FAM193A: variants seen among roughly 807,000 people sequenced by gnomAD.
FAM193A encodes the protein family with sequence similarity 193 member A, also known as protein FAM193A.
FAM193A carries 22 observed loss-of-function variants against 126.5 expected under a neutral mutation model. The ratio of observed to expected loss-of-function variants is 0.17; its 90% CI spans 0.12 to 0.25. The LOEUF is 0.25. Ranked by LOEUF, FAM193A falls within the 10% of genes least tolerant of loss-of-function variation. The pLI, the probability that FAM193A is intolerant of heterozygous loss-of-function variation, is 1.00. For missense variants in FAM193A, 1,675 were observed against 1,672.8 expected, an observed-to-expected ratio of 1.00 and a Z score of -0.02; for synonymous variants, 761 against 646.8, an observed-to-expected ratio of 1.18 and a Z score of -2.68.
chr4:2,608,122 C>T, intron 2 of FAM193A: 3 of 1,606,080 alleles, frequency 1.9e-6, no homozygotes, highest in South Asian at 2.2e-5. Flanking sequence ...ACTATATCTC[C>T]TTGTAGATTG....
chr4:2,730,549 G>C (rs1274520973), intron 20 of FAM193A, among the ~76,000 whole-genome samples: 1 of 152,044 alleles, frequency 6.6e-6, no homozygotes, highest in African/African-American at 2.4e-5. Context: ...AATTAGCTGG[G>C]CGTGGTGATA....
At chr4:2,577,422 G>GTTTTTTTTTGTTT (rs1553888657) in intron 1 of FAM193A, among the ~76,000 whole-genome samples, 2 of 115,542 alleles carry the variant, frequency 1.7e-5, no homozygotes, top group Admixed American at 9.1e-5. Context: ...TTTTTTTTTT[G>GTTTTTTTTTGTTT]TTTTTTTTTT....
intron 20 of FAM193A, among the ~76,000 whole-genome samples, chr4:2,719,740 CA>C (rs369345535): frequency 8.1e-4 from 83 of 102,404 alleles, no homozygotes; most frequent in East Asian, 1.3e-3. Context: ...GAGACACTCT[CA>C]AAAAAAAAAA....
chr4:2,699,581 C>A, intron 18 of FAM193A, 99 bp from the exon 19 acceptor site: 2 of 1,169,842 alleles, frequency 1.7e-6, no homozygotes, highest in Non-Finnish European at 2.4e-6. Context: ...AGTTTATGTT[C>A]CATATGTGAT....
chr4:2,546,941 A>G (rs1737598492), intron 1 of FAM193A, among the ~76,000 whole-genome samples: 1 of 152,116 alleles, frequency 6.6e-6, no homozygotes, highest in Non-Finnish European at 1.5e-5. Context: ...TTTTGTTTAC[A>G]CTATTATTAT....
At chr4:2,572,808 C>G (rs1739369554) in intron 1 of FAM193A, among the ~76,000 whole-genome samples, 2 of 142,064 alleles carry the variant, frequency 1.4e-5, no homozygotes, top group African/African-American at 2.6e-5. Context: ...AAAGACCTGG[C>G]TGCAGTGAGA....
chr4:2,642,237 A>G (rs1440027567), intron 6 of FAM193A, among the ~76,000 whole-genome samples: 1 of 151,482 alleles, frequency 6.6e-6, no homozygotes. Context: ...CTGGGAGCGG[A>G]GGTTGCAGTG....
intron 15 of FAM193A, among the ~76,000 whole-genome samples, chr4:2,691,408 G>A (rs1716364275): frequency 6.6e-6 from 1 of 152,176 alleles, no homozygotes; most frequent in African/African-American, 2.4e-5. Flanking sequence ...GTAGAGACGG[G>A]GTTTCACCAT....
chr4:2,642,357 G>A (rs898619594), intron 6 of FAM193A, among the ~76,000 whole-genome samples: 1 of 152,064 alleles, frequency 6.6e-6, no homozygotes, highest in South Asian at 2.1e-4. Context: ...TGGCCAGCTG[G>A]CAGGTGGGCT....
intron 1 of FAM193A, among the ~76,000 whole-genome samples, chr4:2,544,326 G>C (rs1737419556): frequency 6.6e-6 from 1 of 152,132 alleles, no homozygotes; most frequent in South Asian, 2.1e-4. Context: ...TTGGAAGGCC[G>C]AGGTGGGAGA....
chr4:2,539,755 T>G (rs1224547090), intron 1 of FAM193A, among the ~76,000 whole-genome samples: 1 of 151,948 alleles, frequency 6.6e-6, no homozygotes, highest in Non-Finnish European at 1.5e-5. Flanking sequence ...CTCCAAGAAA[T>G]AAAATCCGTT....
chr4:2,690,454 C>A (rs1419129398), intron 14 of FAM193A, among the ~76,000 whole-genome samples: 2 of 152,234 alleles, frequency 1.3e-5, no homozygotes, highest in Non-Finnish European at 2.9e-5. Flanking sequence ...TAGTACCAAC[C>A]TCAGAAAGTA....
chr4:2,626,885 A>C (rs1056351740), intron 4 of FAM193A, among the ~76,000 whole-genome samples: 2 of 152,212 alleles, frequency 1.3e-5, no homozygotes, highest in African/African-American at 4.8e-5. Context: ...GCCAGGGATG[A>C]TGCAGAGTAC....
At chr4:2,535,608 T>G (rs1401826628), upstream of FAM193A, among the ~76,000 whole-genome samples, 1 of 152,212 alleles carries the variant, frequency 6.6e-6, no homozygotes, top group African/African-American at 2.4e-5. Flanking sequence ...GAGCTCTGCC[T>G]GGGGCTCGCA....
intron 20 of FAM193A, 83 bp from the exon 21 acceptor site, chr4:2,731,692 C>A (rs964169562): frequency 2.9e-6 from 3 of 1,040,706 alleles, no homozygotes; most frequent in Admixed American, 1.7e-5. Context: ...CTGGCAAGAA[C>A]AGGAGTGTGA....
At position 2,611,587 on chromosome 4, in the gene FAM193A, C is replaced by A. The variant is rs188220358; in HGVS notation, c.502-13675C>A. Among the ~76,000 whole-genome samples the A allele has an allele frequency of 1.2e-3, 175 of 152,104 alleles. 1 individual carries two copies. The highest frequency in any genetic ancestry group is 4.1e-3 in the African/African-American group (172 of 41,518). On this transcript the variant is annotated intron_variant, in intron 2 of 20. Transcript: ENST00000637812. ...CCACGCCCGGCTTAATCTGCATTTT[C>A]TTAACGACTTGTTGAGCATCTTTTC...
At chr4:2,655,863 A>G (rs1456618446) in intron 7 of FAM193A, among the ~76,000 whole-genome samples, 1 of 152,170 alleles carries the variant, frequency 6.6e-6, no homozygotes, top group African/African-American at 2.4e-5. Flanking sequence ...CAGGAGGTTG[A>G]GGCTACAGTA....
intron 1 of FAM193A, among the ~76,000 whole-genome samples, chr4:2,552,601 G>A (rs974549001): frequency 6.6e-6 from 1 of 151,478 alleles, no homozygotes; most frequent in African/African-American, 2.4e-5. Flanking sequence ...GCAGTGACAC[G>A]ATTTCTGCTC....
At chr4:2,711,779 T>G (rs1196259796) in intron 19 of FAM193A, among the ~76,000 whole-genome samples, 1 of 151,928 alleles carries the variant, frequency 6.6e-6, no homozygotes, top group East Asian at 1.9e-4. Flanking sequence ...ATACAAAAAT[T>G]AGCTGGACGT....
Sources: gnomAD v4.1 joint callset for allele counts (sites outside exome capture counted in the v4.1 genomes callset) on GRCh38, gnomAD v4.1.1 for gene constraint, MANE v1.5 for transcripts, NCBI Gene and HGNC (gene_info 2026-07-23, HGNC 2026-07-21) for gene names.